The following CLEC2D variants were observed in gnomAD, a reference collection of about 807,000 sequenced individuals.
CLEC2D encodes the protein C-type lectin related f.
CLEC2D carries 16 observed loss-of-function variants against 20.0 expected under a neutral mutation model. The ratio of observed to expected loss-of-function variants is 0.80; its 90% CI spans 0.54 to 1.22. The LOEUF (loss-of-function observed/expected upper bound fraction) is 1.22, where lower values mean the gene tolerates loss of function less well. Ranked by LOEUF, CLEC2D falls within the 50% of genes most tolerant of loss-of-function variation. CLEC2D has a pLI of 0.00. For missense variants in CLEC2D, 207 were observed against 221.5 expected, an observed-to-expected ratio of 0.93 and a Z score of 0.42; for synonymous variants, 77 against 71.1, an observed-to-expected ratio of 1.08 and a Z score of -0.42.
At chr12:9,673,874 C>T (rs969780358) in intron 1 of CLEC2D, 4 of 152,480 alleles carry the variant, frequency 2.6e-5, no homozygotes, top group Admixed American at 2.6e-4. Flanking sequence ...CAGTCCAAAC[C>T]TCTCAGGCTC....
chr12:9,670,746 A>T (rs1458103834), intron 1 of CLEC2D, among the ~76,000 whole-genome samples: 1 of 152,218 alleles, frequency 6.6e-6, no homozygotes, highest in African/African-American at 2.4e-5. Flanking sequence ...CACCCTGGTG[A>T]GATGAAGACA....
rs951915401 is a variant in CLEC2D, at chr12:9,694,708, T to G, written c.462-52T>G. The G allele has an allele frequency of 3.3e-6, 3 of 917,766 alleles. No individual in the cohort carries two copies. The Admixed American group carries it at 5.2e-5, about 16-fold the overall frequency. 56.9% of individuals were successfully genotyped at this position (917,766 alleles called of 1,614,324 possible). On this transcript the variant is annotated intron_variant, in intron 4 of 4. Transcript: ENST00000290855. ...CTCATTTTCTCATCTTCATTCTCTC[T>G]GCTGTTGAAGAAATGTTCAGTGGCC...
Position 9,683,322 on chromosome 12 carries a change from G to GTTTTTTTTTT in CLEC2D, c.172+2295_172+2296insTTTTTTTTTT, listed in dbSNP as rs1226655704. ...TGCCTGTTCACTCTGATGATAGTTT[G>GTTTTTTTTTT]TTTTTTGTGTTTGTTTTTTTTTTTT... is the stretch of plus-strand genomic sequence containing the variant. On this transcript the variant is annotated intron_variant, in intron 2 of 4. Transcript: ENST00000290855. Among the ~76,000 whole-genome samples, 5 of 80,880 alleles carry GTTTTTTTTTT rather than the reference G, an allele frequency of 6.2e-5. 2 individuals are homozygous for GTTTTTTTTTT. The highest frequency in any genetic ancestry group is 6.2e-5 in the African/African-American group (1 of 16,130). The allele number at this position is 80,880 out of a possible 152,430, so 53.1% of individuals were successfully genotyped here. A position where few individuals can be genotyped will look rare whatever the true frequency, so the allele number is the denominator to read the frequency against.
chr12:9,684,286 A>G (rs149418602), intron 2 of CLEC2D, among the ~76,000 whole-genome samples: 22 of 152,312 alleles, frequency 1.4e-4, no homozygotes, highest in African/African-American at 4.8e-4. Context: ...GGATGAGACA[A>G]TGGGGTTTTC....
chr12:9,692,110 T>C (rs1367170177), intron 3 of CLEC2D, among the ~76,000 whole-genome samples: 1 of 151,982 alleles, frequency 6.6e-6, no homozygotes, highest in Non-Finnish European at 1.5e-5. Context: ...TCTTTCTTTC[T>C]TTCTTTCTCT....
At chr12:9,673,267 ATGT>A (rs1228389226) in intron 1 of CLEC2D, among the ~76,000 whole-genome samples, 4 of 151,848 alleles carry the variant, frequency 2.6e-5, no homozygotes, top group South Asian at 2.1e-4. Flanking sequence ...TTTTTTGTAG[ATGT>A]TGTTGTTGTT....
chr12:9,676,507 A>G (rs1456480155), intron 1 of CLEC2D, among the ~76,000 whole-genome samples: 1 of 152,178 alleles, frequency 6.6e-6, no homozygotes, highest in East Asian at 1.9e-4. Flanking sequence ...CCTGCCTTAA[A>G]TAGCTGAAAT....
In CLEC2D at chr12:9,695,460, A is replaced by G. The variant is rs1865961871; in HGVS notation, c.*586A>G. 7.5e-7 allele frequency: 1 copy of G among 1,330,188 alleles called. No individual in the cohort carries two copies. The highest frequency in any genetic ancestry group is 1.5e-5 in the African/African-American group (1 of 68,156). 82.4% of individuals were successfully genotyped at this position (1,330,188 alleles called of 1,614,324 possible). On this transcript the variant is annotated 3_prime_UTR_variant, in exon 5 of 5. Coordinates refer to ENST00000290855, the MANE Select transcript of CLEC2D (RefSeq NM_013269.6). ...CTTTTCAGTTGTGAACTAAAGGCCG[A>G]CAAAGATGATCACTTTAAGGTGGAT...
intron 3 of CLEC2D, among the ~76,000 whole-genome samples, chr12:9,692,005 A>G (rs2120975025): frequency 6.6e-6 from 1 of 152,348 alleles, no homozygotes; most frequent in East Asian, 1.9e-4. Flanking sequence ...GTACACATTG[A>G]CAAGGAAACA....
In CLEC2D at chr12:9,695,862, TGATGATGATGAA is replaced by T. The variant is rs1482788603; in HGVS notation, c.*1000_*1011del. The T allele has an allele frequency of 2.2e-5, 23 of 1,059,536 alleles. No individual in the cohort carries two copies. The East Asian group carries it at 3.3e-4, about 15-fold the overall frequency. 65.6% of individuals were successfully genotyped at this position (1,059,536 alleles called of 1,614,324 possible). A position where few individuals can be genotyped will look rare whatever the true frequency, so the allele number is the denominator to read the frequency against. On this transcript the variant is annotated 3_prime_UTR_variant, in exon 5 of 5. Transcript: ENST00000290855. ...TAAAACTTGCTGCTGCTGCTGATGA[TGATGATGATGAA>T]GATGATGATGATGATGATGACGAGG...
chr12:9,672,662 A>G lies in CLEC2D; in HGVS notation c.61+2867A>G, dbSNP rs187217010. Among the ~76,000 whole-genome samples, 356 of 152,140 alleles carry G rather than the reference A, an allele frequency of 2.3e-3. 3 individuals carry two copies. Among genetic ancestry groups the G allele is most frequent in the African/African-American group, 8.2e-3 (339 of 41,486 alleles). On this transcript the variant is annotated intron_variant, in intron 1 of 4. Transcript: ENST00000290855. ...ATTATATCCTGAAGTGTGTTTTCCA[A>G]CTTGGTTCCATCCTCCCTGTCTCTT...
intron 1 of CLEC2D, among the ~76,000 whole-genome samples, chr12:9,674,514 A>G (rs1323313837): frequency 6.6e-6 from 1 of 152,226 alleles, no homozygotes; most frequent in African/African-American, 2.4e-5. Flanking sequence ...TGGGAGCTTC[A>G]GACCAGAGCT....
rs182686732 is a variant in CLEC2D at position 9,698,786 on chromosome 12, T to G, written c.*3912T>G. 6.6e-6 allele frequency: 1 copy of G among 152,164 alleles called. No individual in the cohort carries two copies. Among genetic ancestry groups the G allele is most frequent in the African/African-American group, 2.4e-5 (1 of 41,460 alleles). 9.4% of individuals were successfully genotyped at this position (152,164 alleles called of 1,614,324 possible). A position where few individuals can be genotyped will look rare whatever the true frequency, so the allele number is the denominator to read the frequency against. On this transcript the variant is annotated 3_prime_UTR_variant, in exon 5 of 5. Transcript: ENST00000290855. ...GCTCAGAAACGGATACCCTAACATA[T>G]AGTGATTTGACAGGTGGAACTAAAG...
Position 9,695,841 on chromosome 12 carries a change from A to G in CLEC2D, c.*967A>G, listed in dbSNP as rs1349477462. ...CTGGAGGTGGGCAGAAAAAAGTAAAACTTGCTGCTGCTGCTGATGATGATG... is the reference window on the plus strand; with the variant it reads ...CTGGAGGTGGGCAGAAAAAAGTAAAGCTTGCTGCTGCTGCTGATGATGATG... On this transcript the variant is annotated 3_prime_UTR_variant, in exon 5 of 5. Transcript: ENST00000290855. 2.2e-6 allele frequency: 2 copies of G among 915,794 alleles called. No homozygotes were observed. Among genetic ancestry groups the G allele is most frequent in the East Asian group, 2.6e-5 (1 of 37,786 alleles). 56.7% of individuals were successfully genotyped at this position (915,794 alleles called of 1,614,324 possible). A position where few individuals can be genotyped will look rare whatever the true frequency, so the allele number is the denominator to read the frequency against.
intron 3 of CLEC2D, among the ~76,000 whole-genome samples, chr12:9,691,795 AAAG>A (rs1476690117): frequency 1.3e-5 from 2 of 152,220 alleles, no homozygotes; most frequent in African/African-American, 4.8e-5. Flanking sequence ...GTTAACTAAA[AAAG>A]AAGAAAGATC....
chr12:9,698,121 A>G lies in CLEC2D; in HGVS notation c.*3247A>G, dbSNP rs1225686393. 2.0e-5 allele frequency: 3 copies of G among 152,178 alleles called. No homozygotes were observed. Among genetic ancestry groups the G allele is most frequent in the Non-Finnish European group, 4.4e-5 (3 of 68,030 alleles). The allele number at this position is 152,178 out of a possible 1,614,324, so 9.4% of individuals were successfully genotyped here. On this transcript the variant is annotated 3_prime_UTR_variant, in exon 5 of 5. Coordinates refer to ENST00000290855, the MANE Select transcript of CLEC2D (RefSeq NM_013269.6). ...TTATTTTTTAAATTTTTAGCTGACA[A>G]CTGTATAATTATGGAATACAATGTG...
chr12:9,690,959 A>G (rs957998325), intron 3 of CLEC2D, among the ~76,000 whole-genome samples: 1 of 152,096 alleles, frequency 6.6e-6, no homozygotes, highest in Admixed American at 6.5e-5. Context: ...TGAGACTGAC[A>G]AGTTGGCTAA....
chr12:9,692,093 T>TTCTC (rs1482893048), intron 3 of CLEC2D, among the ~76,000 whole-genome samples: 27 of 152,144 alleles, frequency 1.8e-4, no homozygotes, highest in East Asian at 3.9e-4. Flanking sequence ...TGTCTTTTCT[T>TTCTC]TCTCTTTCTT....
intron 1 of CLEC2D, among the ~76,000 whole-genome samples, chr12:9,670,354 C>T (rs1019244566): frequency 1.3e-5 from 2 of 152,048 alleles, no homozygotes; most frequent in Admixed American, 1.3e-4. Flanking sequence ...TAGGGAATAT[C>T]AAGGTTTTAT....
Sources: gnomAD v4.1 joint callset for allele counts (sites outside exome capture counted in the v4.1 genomes callset) on GRCh38, gnomAD v4.1.1 for gene constraint, MANE v1.5 for transcripts, NCBI Gene and HGNC (gene_info 2026-07-23, HGNC 2026-07-21) for gene names.